The following C13orf42 variants were observed in gnomAD, a reference collection of about 807,000 sequenced individuals.
C13orf42 encodes the protein uncharacterized protein C13orf42.
In C13orf42 at chr13:51,123,889, ATTTAG is replaced by A. The variant is rs202237556; in HGVS notation, n.137-10672_137-10668del. Among the ~76,000 whole-genome samples the A allele has an allele frequency of 5.9e-3, 904 of 152,310 alleles. 8 individuals carry two copies. Among genetic ancestry groups the A allele is most frequent in the African/African-American group, 0.021 (854 of 41,562 alleles). ...TAGTCTGAACTAGCCTTCGGAAGGA[ATTTAG>A]TTTATAGTTTAAAGCTAAACTGTCC... On this transcript the variant is annotated intron_variant and non_coding_transcript_variant, in intron 1 of 4. Coordinates refer to the C13orf42 transcript ENST00000433280.
Sources: gnomAD v4.1 joint callset for allele counts (sites outside exome capture counted in the v4.1 genomes callset) on GRCh38, gnomAD v4.1.1 for gene constraint, MANE v1.5 for transcripts, NCBI Gene and HGNC (gene_info 2026-07-23, HGNC 2026-07-21) for gene names.